YBEY: variants seen among roughly 807,000 people sequenced by gnomAD.
YBEY encodes the protein ybeY metalloendoribonuclease, also known as endoribonuclease YbeY.
In YBEY, 15 loss-of-function variants were observed where a neutral mutation model predicts 13.5. That is an observed-to-expected ratio of 1.11 (90% confidence interval 0.75 to 1.72). YBEY has a LOEUF of 1.72. Ranked by LOEUF, YBEY falls within the 40% of genes most tolerant of loss-of-function variation. The pLI, the probability that YBEY is intolerant of heterozygous loss-of-function variation, is 0.00. For missense variants in YBEY, 244 were observed against 208.4 expected, an observed-to-expected ratio of 1.17 and a Z score of -1.05; for synonymous variants, 101 against 83.1, an observed-to-expected ratio of 1.21 and a Z score of -1.17.
rs2081996678 is a variant in YBEY, at chr21:46,297,600, A to G, written c.470A>G (p.Gln157Arg). 2.2e-6 allele frequency: 3 copies of G among 1,378,958 alleles called. No homozygotes were observed. The East Asian group carries it at 9.0e-5, about 41-fold the overall frequency. 85.4% of individuals were successfully genotyped at this position (1,378,958 alleles called of 1,614,324 possible). The change falls in exon 5 of 5, where the codon CAG becomes CGG. Residue 157 changes from glutamine to arginine, a missense_variant. Gln to Arg is a conservative substitution (Grantham distance 43). Coordinates refer to ENST00000397701, the MANE Select transcript of YBEY (RefSeq NM_001314025.2). ...GGCCGACGCACGGGGACCCGGCTGC[A>G]GCCCCTGACCCGGGGCCTCTTCGGA... ...ELGRRTGTRL[Q>R]PLTRGLFGGS is the part of the protein sequence containing the mutation.
At chr21:46,310,584 G>A in the YBEY span, among the ~76,000 whole-genome samples, 481 of 151,872 alleles carry the variant, frequency 3.2e-3, 3 homozygotes, top group African/African-American at 0.011. Context: ...TGAGGTGGGC[G>A]GATCACCTGA....
At chr21:46,286,843 T>G in intron 1 of YBEY, 27 bp from the exon 2 acceptor site, 1 of 1,405,706 alleles carries the variant, frequency 7.1e-7, no homozygotes. Context: ...TTGTACTGAT[T>G]GGTCTTCTCT....
the YBEY span, among the ~76,000 whole-genome samples, chr21:46,307,614 T>C: frequency 1.3e-5 from 2 of 152,158 alleles, no homozygotes; most frequent in African/African-American, 4.8e-5. Flanking sequence ...TGGATCACAA[T>C]AGGAAAGGTA....
chr21:46,288,673 G>A (rs569482536), intron 2 of YBEY, among the ~76,000 whole-genome samples: 8 of 132,862 alleles, frequency 6.0e-5, no homozygotes, highest in Admixed American at 1.6e-4. Context: ...GCGAGACTCC[G>A]TCTCAAAAAG....
At chr21:46,301,118 G>A (rs560832868), downstream of YBEY, 10 of 985,764 alleles carry the variant, frequency 1.0e-5, no homozygotes, top group East Asian at 3.3e-4. Context: ...AAGGGATCAC[G>A]TCATACACAG....
the YBEY span, among the ~76,000 whole-genome samples, chr21:46,312,282 A>G: frequency 6.6e-6 from 1 of 152,000 alleles, no homozygotes; most frequent in Non-Finnish European, 1.5e-5. Context: ...GGTTCCACCA[A>G]TTCTGCTTTA....
chr21:46,296,290 G>GCCCCTGCCAGC, intron 4 of YBEY, 60 bp downstream of exon 4: 1 of 1,588,290 alleles, frequency 6.3e-7, no homozygotes, highest in East Asian at 2.2e-5. Flanking sequence ...GCTCCCCCAG[G>GCCCCTGCCAGC]CCCCTGCCAG....
chr21:46,297,664 G>A lies in YBEY; in HGVS notation c.*30G>A. Reference sequence around the variant, plus strand: ...CGCGTTCCTTCTGAAAGCGGGACGCGGGAGGGGTGGAGGCTGCGGGGAGCC... The same window carrying A: ...CGCGTTCCTTCTGAAAGCGGGACGCAGGAGGGGTGGAGGCTGCGGGGAGCC... On this transcript the variant is annotated 3_prime_UTR_variant, in exon 5 of 5. Transcript: ENST00000397701. 3 of 1,285,180 alleles carry A rather than the reference G, an allele frequency of 2.3e-6. No homozygotes were observed. The highest frequency in any genetic ancestry group is 3.0e-6 in the Non-Finnish European group (3 of 1,004,680). 79.6% of individuals were successfully genotyped at this position (1,285,180 alleles called of 1,614,324 possible). A position where few individuals can be genotyped will look rare whatever the true frequency, so the allele number is the denominator to read the frequency against.
chr21:46,300,662 C>T (rs7278766), downstream of YBEY: 39,184 of 1,259,932 alleles, frequency 0.031, 4,452 homozygotes, highest in African/African-American at 0.35. Context: ...CACCAGGTGG[C>T]TGTCCCTGGG....
the YBEY span, chr21:46,311,392 G>C: frequency 1.0e-6 from 1 of 967,862 alleles, no homozygotes; most frequent in African/African-American, 1.6e-5. Context: ...CTGCTTCCAG[G>C]AACATTTTCC....
chr21:46,302,064 A>C, downstream of YBEY: 1 of 1,525,088 alleles, frequency 6.6e-7, no homozygotes. Context: ...CCAGGTGGCC[A>C]CACAGCATGG....
downstream of YBEY, chr21:46,297,884 A>G: frequency 1.2e-6 from 1 of 831,874 alleles, no homozygotes; most frequent in Non-Finnish European, 1.6e-6. Context: ...TCGCCCTTCA[A>G]GGGGGTCCCT....
At chr21:46,293,508 G>A (rs1361873258) in intron 3 of YBEY, among the ~76,000 whole-genome samples, 7 of 28,236 alleles carry the variant, frequency 2.5e-4, no homozygotes, top group Admixed American at 4.0e-4. Flanking sequence ...GACTCAGTGG[G>A]GACAGCCACA....
At chr21:46,312,608 C>T in the YBEY span, among the ~76,000 whole-genome samples, 28 of 152,268 alleles carry the variant, frequency 1.8e-4, no homozygotes, top group African/African-American at 6.5e-4. Context: ...AATGCAGTAG[C>T]GGTTGGCCAC....
chr21:46,295,326 A>G (rs936314970), intron 3 of YBEY, among the ~76,000 whole-genome samples: 2 of 151,472 alleles, frequency 1.3e-5, no homozygotes, highest in African/African-American at 4.9e-5. Context: ...CTTGTCCTCC[A>G]TGTCTCCAGG....
At chr21:46,309,393 C>T in the YBEY span, among the ~76,000 whole-genome samples, 1 of 147,886 alleles carries the variant, frequency 6.8e-6, no homozygotes, top group Non-Finnish European at 1.5e-5. Flanking sequence ...ACCCGGTGGG[C>T]AGAGGTTGAA....
chr21:46,291,618 G>A (rs2081715731), intron 3 of YBEY, 156 bp downstream of exon 3: 11 of 1,447,988 alleles, frequency 7.6e-6, no homozygotes, highest in Non-Finnish European at 9.1e-6. Flanking sequence ...CACCCAGGCT[G>A]GGTAGGGACT....
chr21:46,288,764 T>C (rs895364642), intron 2 of YBEY, among the ~76,000 whole-genome samples: 8 of 152,072 alleles, frequency 5.3e-5, no homozygotes, highest in African/African-American at 1.9e-4. Flanking sequence ...GGGCCTATAA[T>C]CCCAGCACTT....
chr21:46,312,038 C>CCCAACCAACCAA, the YBEY span, among the ~76,000 whole-genome samples: 1 of 128,064 alleles, frequency 7.8e-6, no homozygotes, highest in South Asian at 2.7e-4. Flanking sequence ...CATCCACCTA[C>CCCAACCAACCAA]CCAACCAACC....
Sources: gnomAD v4.1 joint callset for allele counts (sites outside exome capture counted in the v4.1 genomes callset) on GRCh38, gnomAD v4.1.1 for gene constraint, MANE v1.5 for transcripts, NCBI Gene and HGNC (gene_info 2026-07-23, HGNC 2026-07-21) for gene names.